Variants in FAM178B observed in about 807,000 individuals in gnomAD.
The protein encoded by FAM178B is family with sequence similarity 178 member B.
A neutral mutation model predicts 91.7 loss-of-function variants in FAM178B; 82 were observed. That is an observed-to-expected ratio of 0.89 (90% CI 0.75 to 1.07). The LOEUF (loss-of-function observed/expected upper bound fraction) is 1.07. FAM178B is among the 50% of genes least tolerant of loss of function. The pLI, the probability that FAM178B is intolerant of heterozygous loss-of-function variation, is 0.00. For missense variants in FAM178B, 769 were observed against 846.7 expected (o/e 0.91, Z 1.14); for synonymous variants, 368 against 359.4 (o/e 1.02, Z -0.27).
chr2:96,928,413 C>T (rs138131581), intron 9 of FAM178B, among the ~76,000 whole-genome samples: 56 of 152,318 alleles, frequency 3.7e-4, no homozygotes, highest in Non-Finnish European at 6.5e-4. Flanking sequence ...ACGTGGCACT[C>T]CTCCCCACAG....
chr2:96,895,660 GC>G (rs2153368801), intron 13 of FAM178B, among the ~76,000 whole-genome samples: 1 of 152,358 alleles, frequency 6.6e-6, no homozygotes, highest in East Asian at 1.9e-4. Context: ...AGCCCTGGGG[GC>G]AGGGCGGGGA....
chr2:96,979,757 TA>T (rs927493392), intron 1 of FAM178B, among the ~76,000 whole-genome samples: 2 of 152,104 alleles, frequency 1.3e-5, no homozygotes, highest in African/African-American at 4.8e-5. Context: ...CAACTGTGTA[TA>T]AGTGTTCCCT....
In FAM178B at chr2:96,922,038, C is replaced by G. The variant is rs367946958; in HGVS notation, c.1288-384G>C. ...TGCAGTAAAGAGGCTGGCCAGATACCACCAAAACCAAGATGATGACCAGAG... is the reference window on the plus strand; with the variant it reads ...TGCAGTAAAGAGGCTGGCCAGATACGACCAAAACCAAGATGATGACCAGAG... On this transcript the variant is annotated intron_variant, in intron 10 of 16. Transcript: ENST00000490605. Among the ~76,000 whole-genome samples, 16 of 152,192 alleles carry G rather than the reference C, an allele frequency of 1.1e-4. No individual in the cohort carries two copies. In the East Asian group the frequency reaches 2.3e-3, roughly 22 times the overall value.
chr2:96,929,572 A>G (rs12717785), intron 8 of FAM178B, among the ~76,000 whole-genome samples: 121,440 of 152,280 alleles, frequency 0.8, 50,009 homozygotes, highest in African/African-American at 0.94. Context: ...TGGGTCAACC[A>G]CTCCCTGACC....
intron 13 of FAM178B, among the ~76,000 whole-genome samples, chr2:96,898,546 C>T (rs2080865812): frequency 6.6e-6 from 1 of 152,114 alleles, no homozygotes; most frequent in African/African-American, 2.4e-5. Context: ...CCCAGCTACT[C>T]GGGAGGCTGA....
At chr2:96,974,830 C>G (rs2082268672) in intron 1 of FAM178B, among the ~76,000 whole-genome samples, 1 of 152,110 alleles carries the variant, frequency 6.6e-6, no homozygotes, top group African/African-American at 2.4e-5. Context: ...TGGCTCACAC[C>G]TGTAATCCCA....
At chr2:96,959,596 C>T (rs564415311) in intron 6 of FAM178B, among the ~76,000 whole-genome samples, 5 of 152,326 alleles carry the variant, frequency 3.3e-5, no homozygotes, top group South Asian at 2.1e-4. Context: ...TCTCCACCGC[C>T]CTGGCCTCCA....
intron 9 of FAM178B, among the ~76,000 whole-genome samples, chr2:96,925,642 T>G (rs868578474): frequency 3.3e-5 from 5 of 152,146 alleles, no homozygotes; most frequent in African/African-American, 4.8e-5. Flanking sequence ...TGGACTCTTA[T>G]GAGCAAAGCA....
intron 8 of FAM178B, among the ~76,000 whole-genome samples, chr2:96,931,163 T>G (rs1020986348): frequency 1.3e-5 from 2 of 152,180 alleles, no homozygotes; most frequent in Non-Finnish European, 2.9e-5. Context: ...TTCAAGAACC[T>G]GGAAGCTGGG....
rs1237666826 is a variant in FAM178B at position 96,975,594 on chromosome 2, G to A, written c.74-2988C>T. On this transcript the variant is annotated intron_variant, in intron 1 of 16. Transcript: ENST00000490605. ...CCAATTATTCTCTTCTAGCTATTTT[G>A]AAATATACAATAAATTATTGTAAAC... is the stretch of plus-strand genomic sequence containing the variant. Among the ~76,000 whole-genome samples, 33 of 152,070 alleles carry A rather than the reference G, an allele frequency of 2.2e-4. 1 individual carries two copies. Among genetic ancestry groups the A allele is most frequent in the Admixed American group, 2.2e-3 (33 of 15,252 alleles).
At chr2:96,962,428 CAAGA>C (rs777718505) in intron 5 of FAM178B, among the ~76,000 whole-genome samples, 1 of 15,392 alleles carries the variant, frequency 6.5e-5, no homozygotes. Flanking sequence ...GACTTCGTCT[CAAGA>C]AAAAAAAAAA....
intron 16 of FAM178B, among the ~76,000 whole-genome samples, chr2:96,876,705 A>G (rs1360167041): frequency 6.6e-6 from 1 of 151,134 alleles, no homozygotes; most frequent in Non-Finnish European, 1.5e-5. Flanking sequence ...CAGAGGTTAT[A>G]GGGGAAGGAC....
At chr2:96,946,041 T>C (rs191452476) in intron 8 of FAM178B, among the ~76,000 whole-genome samples, 127 of 152,322 alleles carry the variant, frequency 8.3e-4, no homozygotes, top group African/African-American at 2.9e-3. Flanking sequence ...TTCCACTTTC[T>C]GTCTCTATGA....
At chr2:96,884,926 G>C (rs1272415795) in intron 14 of FAM178B, among the ~76,000 whole-genome samples, 2 of 152,198 alleles carry the variant, frequency 1.3e-5, no homozygotes, top group Admixed American at 6.5e-5. Flanking sequence ...ACATATAACC[G>C]ACCACTAGGA....
intron 12 of FAM178B, among the ~76,000 whole-genome samples, chr2:96,906,182 C>T (rs1180038689): frequency 6.7e-6 from 1 of 149,822 alleles, no homozygotes. Flanking sequence ...CCGCGCCCAG[C>T]CAATACTTTT....
intron 1 of FAM178B, among the ~76,000 whole-genome samples, chr2:96,974,252 G>C (rs2082260331): frequency 6.7e-6 from 1 of 148,602 alleles, no homozygotes; most frequent in Admixed American, 6.7e-5. Context: ...TGTGGTGGTG[G>C]ACGCCTGTAG....
intron 6 of FAM178B, among the ~76,000 whole-genome samples, chr2:96,958,697 TAAAAAAAAAAAAAAAAAAAAAAAAAAAAA>T (rs55924441): frequency 1.6e-4 from 9 of 55,500 alleles, no homozygotes; most frequent in East Asian, 8.4e-4. Flanking sequence ...CTCAAAATAC[TAAAAAAAAAAAAAAAAAAAAAAAAAAAAA>T]AAAAAAAAAA....
chr2:96,944,124 C>G (rs1037011156), intron 8 of FAM178B, among the ~76,000 whole-genome samples: 6 of 151,878 alleles, frequency 4.0e-5, no homozygotes, highest in Non-Finnish European at 7.4e-5. Flanking sequence ...TGCCTGTAGT[C>G]CCAGCTACTT....
Position 96,948,810 on chromosome 2 carries a change from T to C in FAM178B, c.994-908A>G, listed in dbSNP as rs1441942065. On this transcript the variant is annotated intron_variant, in intron 7 of 16. Coordinates refer to ENST00000490605, the MANE Select transcript of FAM178B (RefSeq NM_001122646.3). Reference sequence around the variant, plus strand: ...AAGGTCACAGCCCTCACCAAGTGTCTGCGTCTGATAATTGGCCGAGGCTGG... The same window carrying C: ...AAGGTCACAGCCCTCACCAAGTGTCCGCGTCTGATAATTGGCCGAGGCTGG... Among the ~76,000 whole-genome samples, 6 of 152,178 alleles carry C rather than the reference T, an allele frequency of 3.9e-5. No homozygotes were observed. The South Asian group carries it at 1.2e-3, about 32-fold the overall frequency.
Sources: gnomAD v4.1 joint callset for allele counts (sites outside exome capture counted in the v4.1 genomes callset) on GRCh38, gnomAD v4.1.1 for gene constraint, MANE v1.5 for transcripts, NCBI Gene and HGNC (gene_info 2026-07-23, HGNC 2026-07-21) for gene names.